Variants in WDR45 observed in about 807,000 individuals in gnomAD.
The protein encoded by WDR45 is WD repeat domain 45.
In WDR45, 2 loss-of-function variants were observed where a neutral mutation model predicts 27.3. That is an observed-to-expected ratio of 0.07 (90% CI 0.03 to 0.23). WDR45 has a LOEUF of 0.23. Among genes scored for constraint, WDR45 ranks in the 10% least tolerant of loss-of-function variants. The pLI is 1.00. For synonymous variants in WDR45, 99 were observed against 119.2 expected (o/e 0.83, Z 1.11); for missense variants, 175 against 311.9 (o/e 0.56, Z 3.31).
intron 6 of WDR45, 126 bp downstream of exon 6, chrX:49,076,304 A>G (rs974981675): frequency 8.1e-6 from 6 of 741,217 alleles, no homozygotes; most frequent in Non-Finnish European, 1.2e-5. Flanking sequence ...TATGAGTGTG[A>G]GCATCTCCCT....
chrX:49,075,051 C>T (rs1372665057), intron 10 of WDR45, 85 bp downstream of exon 10: 3 of 1,174,014 alleles, frequency 2.6e-6, no homozygotes, highest in Non-Finnish European at 3.5e-6. Context: ...AGCTGAGCCT[C>T]ACATGGCCCT....
At position 49,078,193 on chromosome X, in the gene WDR45, C is replaced by T. The variant is rs1303141327; in HGVS notation, c.-17-81G>A. 4 of 901,078 alleles carry T rather than the reference C, an allele frequency of 4.4e-6. No homozygotes were observed. The African/African-American group carries it at 7.8e-5, about 18-fold the overall frequency. The allele number at this position is 901,078 out of a possible 1,213,427, so 74.3% of individuals were successfully genotyped here. ...TGCCTCACCTGATTTCCTCCTCCTACTCTGCTAACTACTGACTCTGGAGTG... is the reference window on the plus strand; with the variant it reads ...TGCCTCACCTGATTTCCTCCTCCTATTCTGCTAACTACTGACTCTGGAGTG... On this transcript the variant is annotated intron_variant, in intron 1 of 10. Transcript: ENST00000376372.
upstream of WDR45, among the ~76,000 whole-genome samples, chrX:49,084,488 T>C (rs1247396272): frequency 2.7e-5 from 3 of 109,809 alleles, no homozygotes; most frequent in African/African-American, 9.9e-5. Context: ...GCTAGGAGTT[T>C]GAGACCAGTC....
chrX:49,085,402 T>C (rs1042748147), intron 2 of WDR45, among the ~76,000 whole-genome samples: 1 of 111,857 alleles, frequency 8.9e-6, no homozygotes, highest in Non-Finnish European at 1.9e-5. Flanking sequence ...CTTGTCTCAG[T>C]TGTGGGGAGT....
intron 1 of WDR45, among the ~76,000 whole-genome samples, chrX:49,078,604 C>T (rs2065051538): frequency 8.9e-6 from 1 of 111,950 alleles, no homozygotes; most frequent in Admixed American, 9.4e-5. Flanking sequence ...GGCCAGGAAC[C>T]CTCCTTCTTT....
chrX:49,082,133 C>T (rs1349624979), upstream of WDR45: 3 of 110,221 alleles, frequency 2.7e-5, no homozygotes, highest in African/African-American at 3.3e-5. Context: ...GCAATATAGT[C>T]GGCATTGGCA....
At chrX:49,096,868 C>T (rs1474860175) in intron 2 of WDR45, among the ~76,000 whole-genome samples, 4 of 112,250 alleles carry the variant, frequency 3.6e-5, no homozygotes, top group African/African-American at 1.3e-4. Flanking sequence ...ATTCTCCTGC[C>T]TCAGCCTCTC....
At chrX:49,085,930 A>G (rs782423011) in intron 2 of WDR45, among the ~76,000 whole-genome samples, 3 of 112,716 alleles carry the variant, frequency 2.7e-5, no homozygotes, top group Non-Finnish European at 5.6e-5. Context: ...ATGAAAGTTT[A>G]GGTATTCCAG....
At chrX:49,099,907 T>C (rs1379801747) in intron 2 of WDR45, among the ~76,000 whole-genome samples, 2 of 109,382 alleles carry the variant, frequency 1.8e-5, no homozygotes, top group Non-Finnish European at 3.8e-5. Flanking sequence ...AGACCTGATA[T>C]CAAGGTTGGC....
intron 1 of WDR45, among the ~76,000 whole-genome samples, chrX:49,079,419 C>T (rs1173218597): frequency 1.8e-5 from 2 of 109,536 alleles, no homozygotes; most frequent in African/African-American, 6.7e-5. Flanking sequence ...CCCCCAACTT[C>T]CCTTCAAATC....
At chrX:49,078,133 G>C (rs1569523566) in intron 1 of WDR45, 21 bp from the exon 2 acceptor site, 2 of 1,182,452 alleles carry the variant, frequency 1.7e-6, no homozygotes, top group Non-Finnish European at 2.3e-6. Flanking sequence ...ATGGGATAAA[G>C]ATGAGAAGAG....
At chrX:49,088,782 G>T (rs1394483370) in intron 2 of WDR45, among the ~76,000 whole-genome samples, 1 of 111,602 alleles carries the variant, frequency 9.0e-6, no homozygotes, top group Non-Finnish European at 1.9e-5. Context: ...CCAGGAGTTT[G>T]AGGTGCAGTA....
At chrX:49,089,786 CA>C (rs782204856) in intron 2 of WDR45, among the ~76,000 whole-genome samples, 16 of 72,948 alleles carry the variant, frequency 2.2e-4, no homozygotes, top group East Asian at 4.3e-4. Context: ...AACCTTATCT[CA>C]AAAAAAAAAA....
intron 10 of WDR45, 89 bp from the exon 11 acceptor site, chrX:49,075,001 C>T (rs2065027888): frequency 8.8e-7 from 1 of 1,131,505 alleles, no homozygotes; most frequent in Admixed American, 2.3e-5. Flanking sequence ...GGGTCTGCCT[C>T]CAGGCCTTTG....
chrX:49,081,176 G>T (rs2065065405), upstream of WDR45, among the ~76,000 whole-genome samples: 1 of 106,437 alleles, frequency 9.4e-6, no homozygotes, highest in Middle Eastern at 4.9e-3. Flanking sequence ...AAAGTGTTGG[G>T]ATTACAGGCG....
upstream of WDR45, among the ~76,000 whole-genome samples, chrX:49,080,888 ATTTTTTT>A (rs782319738): frequency 1.2e-4 from 5 of 42,402 alleles, no homozygotes; most frequent in South Asian, 2.1e-3. Context: ...ACTGGAAGGA[ATTTTTTT>A]TTTTTTTTTT....
At chrX:49,099,893 G>C (rs984541749) in intron 2 of WDR45, among the ~76,000 whole-genome samples, 4 of 106,164 alleles carry the variant, frequency 3.8e-5, no homozygotes, top group Non-Finnish European at 8.0e-5. Context: ...TGTTTCTTGG[G>C]ACCAGACCTG....
At chrX:49,100,952 G>A (rs1325989122) in intron 1 of WDR45, 4 of 112,521 alleles carry the variant, frequency 3.6e-5, no homozygotes, top group African/African-American at 1.3e-4. Context: ...CAGGAACCAC[G>A]GTGCGCAGGC....
At chrX:49,076,400 C>T (rs781953940) in intron 6 of WDR45, 30 bp downstream of exon 6, 27 of 1,197,199 alleles carry the variant, frequency 2.3e-5, no homozygotes, top group South Asian at 1.8e-4. Flanking sequence ...TGTTTCATGC[C>T]CTTACACCTG....
Sources: allele counts gnomAD v4.1 joint callset (sites outside exome capture counted in the v4.1 genomes callset), GRCh38; gene constraint gnomAD v4.1.1; transcripts MANE v1.5; gene names NCBI Gene and HGNC (gene_info 2026-07-23, HGNC 2026-07-21).